Variants in ZC3H12B observed in about 807,000 individuals in gnomAD.
The protein encoded by ZC3H12B is probable ribonuclease ZC3H12B.
A neutral mutation model predicts 43.9 loss-of-function variants in ZC3H12B; 7 were observed. The observed-to-expected ratio is 0.16, with a 90% confidence interval of 0.09 to 0.30. The LOEUF (loss-of-function observed/expected upper bound fraction) is 0.30. ZC3H12B is among the 10% of genes least tolerant of loss of function. The pLI is 1.00. For missense variants in ZC3H12B, 475 were observed against 670.2 expected, an observed-to-expected ratio of 0.71 and a Z score of 3.22; for synonymous variants, 222 against 241.7, an observed-to-expected ratio of 0.92 and a Z score of 0.76.
At chrX:65,120,974 C>T in the ZC3H12B span, among the ~76,000 whole-genome samples, 9 of 111,217 alleles carry the variant, frequency 8.1e-5, no homozygotes, top group Non-Finnish European at 1.3e-4. Context: ...ATATGTTGAA[C>T]CAGTCTTTCA....
At chrX:65,119,846 G>T in the ZC3H12B span, among the ~76,000 whole-genome samples, 1 of 111,965 alleles carries the variant, frequency 8.9e-6, no homozygotes, top group Non-Finnish European at 1.9e-5. Flanking sequence ...AAGGGATCCA[G>T]TTTCAGCTTT....
chrX:65,104,803 G>T, the ZC3H12B span, among the ~76,000 whole-genome samples: 1 of 111,727 alleles, frequency 9.0e-6, no homozygotes, highest in African/African-American at 3.3e-5. Context: ...TACACTATTG[G>T]TGGGAGTGTA....
In ZC3H12B at chrX:65,456,431, CTCCCTCTCCCTCTCCCTG is replaced by C. The variant is rs1484617804; in HGVS notation, n.408-32212_408-32195del. Among the ~76,000 whole-genome samples, 456 of 60,925 alleles carry C rather than the reference CTCCCTCTCCCTCTCCCTG, an allele frequency of 7.5e-3. 81 individuals are homozygous for C. The highest frequency in any genetic ancestry group is 0.023 in the African/African-American group (354 of 15,481). 52.9% of individuals were successfully genotyped at this position (60,925 alleles called of 115,157 possible). A position where few individuals can be genotyped will look rare whatever the true frequency, so the allele number is the denominator to read the frequency against. On this transcript the variant is annotated intron_variant and non_coding_transcript_variant, in intron 3 of 5. Transcript: ENST00000617377. The stretch of plus-strand genomic sequence containing the variant: ...TCTCCCTCTCCCTCTCCCTCTCCCT[CTCCCTCTCCCTCTCCCTG>C]TCTCCACAGTCTCCTTCCATGGTCT...
chrX:65,084,032 G>A, the ZC3H12B span, among the ~76,000 whole-genome samples: 1 of 111,595 alleles, frequency 9.0e-6, no homozygotes, highest in Non-Finnish European at 1.9e-5. Context: ...TCCATTAATG[G>A]TGCTGGGAAA....
chrX:65,431,809 G>A (rs887985363), intron 3 of ZC3H12B, among the ~76,000 whole-genome samples: 7 of 111,909 alleles, frequency 6.3e-5, no homozygotes, highest in Non-Finnish European at 1.1e-4. Flanking sequence ...GTAATCACAC[G>A]TCTGGCCATT....
the ZC3H12B span, among the ~76,000 whole-genome samples, chrX:65,201,712 G>T: frequency 9.9e-6 from 1 of 101,264 alleles, no homozygotes; most frequent in South Asian, 4.7e-4. Context: ...TAGTTTGTTT[G>T]TTAAGGTCCT....
the ZC3H12B span, among the ~76,000 whole-genome samples, chrX:65,212,198 TA>T: frequency 1.8e-4 from 8 of 43,445 alleles, no homozygotes; most frequent in African/African-American, 7.5e-4. Context: ...TTATATAATA[TA>T]ATTATTATAT....
the ZC3H12B span, among the ~76,000 whole-genome samples, chrX:65,054,971 T>G: frequency 8.9e-6 from 1 of 111,865 alleles, no homozygotes; most frequent in African/African-American, 3.3e-5. Flanking sequence ...CTTATCAGCT[T>G]AAGGAGATTT....
chrX:65,174,071 G>A, the ZC3H12B span, among the ~76,000 whole-genome samples: 2 of 111,417 alleles, frequency 1.8e-5, no homozygotes, highest in Non-Finnish European at 3.8e-5. Flanking sequence ...ACCAGTGGAG[G>A]CTACAGAATA....
the ZC3H12B span, among the ~76,000 whole-genome samples, chrX:65,251,211 T>C: frequency 8.9e-6 from 1 of 112,078 alleles, no homozygotes; most frequent in African/African-American, 3.2e-5. Context: ...TCCCCATTTC[T>C]TGTTTTTGTC....
At position 65,501,907 on chromosome X, in the gene ZC3H12B, T is replaced by G. The variant is rs2068371755; in HGVS notation, c.1209T>G (p.Thr403=). ...GTGCCAAACTGTCCACAGTGAAAAC[T>G]ATGAGTGAAGGCACCCTGGCCAAGT... The change falls in exon 5 of 5, where the codon ACT becomes ACG. Residue 403 remains threonine (T), a synonymous_variant. Transcript: ENST00000338957. 3 of 1,209,959 alleles carry G rather than the reference T, an allele frequency of 2.5e-6. No individual in the cohort carries two copies. The South Asian group carries it at 5.3e-5, about 21-fold the overall frequency.
the ZC3H12B span, among the ~76,000 whole-genome samples, chrX:65,131,423 G>A: frequency 2.7e-5 from 3 of 111,553 alleles, no homozygotes; most frequent in African/African-American, 6.5e-5. Context: ...AGGCTACAGG[G>A]TGCGGTCCCA....
the ZC3H12B span, among the ~76,000 whole-genome samples, chrX:65,183,950 G>A: frequency 9.0e-6 from 1 of 111,428 alleles, no homozygotes; most frequent in Admixed American, 9.6e-5. Context: ...AGGGTGGTGT[G>A]TGGGATAATT....
At chrX:65,246,448 G>A in the ZC3H12B span, among the ~76,000 whole-genome samples, 1 of 111,756 alleles carries the variant, frequency 8.9e-6, no homozygotes, top group Non-Finnish European at 1.9e-5. Context: ...AACCTGAATA[G>A]CCAAGGCAAT....
At chrX:65,091,373 TCAATTTCTGACTTCCAGAACAG>T in the ZC3H12B span, among the ~76,000 whole-genome samples, 1 of 111,748 alleles carries the variant, frequency 8.9e-6, no homozygotes, top group Admixed American at 9.5e-5. Context: ...AAACTGATTT[TCAATTTCTGACTTCCAGAACAG>T]CAGGAGAATA....
the ZC3H12B span, among the ~76,000 whole-genome samples, chrX:65,304,181 A>T: frequency 8.9e-6 from 1 of 112,228 alleles, no homozygotes; most frequent in Non-Finnish European, 1.9e-5. Context: ...AATATAGATG[A>T]ATAAATCAAA....
chrX:65,386,885 G>C (rs1427214149), intron 2 of ZC3H12B, among the ~76,000 whole-genome samples: 1 of 111,491 alleles, frequency 9.0e-6, no homozygotes, highest in African/African-American at 3.3e-5. Context: ...CTTTATTTCT[G>C]CCTTCATTTT....
intron 3 of ZC3H12B, among the ~76,000 whole-genome samples, chrX:65,456,799 C>T (rs2067622595): frequency 9.2e-6 from 1 of 109,130 alleles, no homozygotes; most frequent in African/African-American, 3.3e-5. Flanking sequence ...CTACAACCTC[C>T]ACCTCCCAGC....
At chrX:65,350,259 C>G in the ZC3H12B span, among the ~76,000 whole-genome samples, 1 of 111,593 alleles carries the variant, frequency 9.0e-6, no homozygotes, top group African/African-American at 3.3e-5. Flanking sequence ...ACAAAAACCT[C>G]ATGATTATCT....
Sources: gnomAD v4.1 joint callset for allele counts (sites outside exome capture counted in the v4.1 genomes callset) on GRCh38, gnomAD v4.1.1 for gene constraint, MANE v1.5 for transcripts, NCBI Gene and HGNC (gene_info 2026-07-23, HGNC 2026-07-21) for gene names.